PKIB: variants seen among roughly 807,000 people sequenced by gnomAD.
PKIB encodes PKI-beta.
A neutral mutation model predicts 4.5 loss-of-function variants in PKIB; 2 were observed. The ratio of observed to expected loss-of-function variants is 0.44; its 90% CI spans 0.18 to 1.39. PKIB has a LOEUF of 1.39. Ranked by LOEUF, PKIB falls within the 40% of genes most tolerant of loss-of-function variation. The pLI is 0.27. For missense variants in PKIB, 94 were observed against 92.6 expected (o/e 1.02, Z -0.06); for synonymous variants, 38 against 36.0 (o/e 1.06, Z -0.20).
Position 122,717,799 on chromosome 6 carries a change from G to C in PKIB, c.5G>C (p.Arg2Thr). 6.2e-7 allele frequency: 1 copy of C among 1,613,960 alleles called. No individual in the cohort carries two copies. The highest frequency in any genetic ancestry group is 8.5e-7 in the Non-Finnish European group (1 of 1,179,954). Residue 2 changes from arginine (R) to threonine (T), a missense_variant, in exon 4 of 5, where the codon AGG becomes ACG. Transcript: ENST00000368452. M[R>T]TDSSKMTDVE... ...ATTCTATTTGTAGATGTTGCTATGA[G>C]GACAGATTCATCAAAAATGACTGAC... is the stretch of plus-strand genomic sequence containing the variant.
At chr6:122,705,547 A>AT in intron 3 of PKIB, among the ~76,000 whole-genome samples, 1 of 137,604 alleles carries the variant, frequency 7.3e-6, no homozygotes, top group African/African-American at 2.7e-5. Flanking sequence ...ATCTGTCTCT[A>AT]TTTTCAGAAA....
intron 2 of PKIB, among the ~76,000 whole-genome samples, chr6:122,665,406 A>C (rs1777178501): frequency 6.6e-6 from 1 of 152,236 alleles, no homozygotes; most frequent in Non-Finnish European, 1.5e-5. Context: ...AACAATCTGC[A>C]TCTTATTTAG....
At chr6:122,541,606 G>T (rs1427544704) in intron 2 of PKIB, among the ~76,000 whole-genome samples, 7 of 151,852 alleles carry the variant, frequency 4.6e-5, no homozygotes, top group Admixed American at 2.0e-4. Context: ...CTCTCTGGCT[G>T]CCCTTAACAT....
At chr6:122,687,823 CTGAGTTTATCAGTTCTAATACTTTT>C (rs1322971767) in intron 3 of PKIB, among the ~76,000 whole-genome samples, 1 of 152,060 alleles carries the variant, frequency 6.6e-6, no homozygotes, top group Non-Finnish European at 1.5e-5. Flanking sequence ...TGATATTCTA[CTGAGTTTATCAGTTCTAATACTTTT>C]TGGTGGAGTC....
chr6:122,550,931 T>C (rs1285488859), intron 2 of PKIB, among the ~76,000 whole-genome samples: 1 of 152,214 alleles, frequency 6.6e-6, no homozygotes. Context: ...ATTTCGATGA[T>C]GGAAAAATTT....
chr6:122,549,891 T>TAC (rs757275679), intron 2 of PKIB, among the ~76,000 whole-genome samples: 1,891 of 144,148 alleles, frequency 0.013, 17 homozygotes, highest in Middle Eastern at 0.018. Context: ...ATTTTATATA[T>TAC]ACACACACAC....
At chr6:122,584,493 GACTA>G (rs1773795821) in intron 2 of PKIB, among the ~76,000 whole-genome samples, 2 of 152,030 alleles carry the variant, frequency 1.3e-5, no homozygotes, top group African/African-American at 2.4e-5. Context: ...GTAATATACT[GACTA>G]ACTACCTAGT....
At chr6:122,654,911 T>G (rs1430549064) in intron 2 of PKIB, among the ~76,000 whole-genome samples, 1 of 152,190 alleles carries the variant, frequency 6.6e-6, no homozygotes, top group African/African-American at 2.4e-5. Context: ...ATTAGAAACT[T>G]AAATTACTTT....
intron 2 of PKIB, among the ~76,000 whole-genome samples, chr6:122,492,038 C>G (rs1775946876): frequency 2.0e-5 from 3 of 152,104 alleles, no homozygotes; most frequent in Admixed American, 6.5e-5. Flanking sequence ...TTCAAAAACA[C>G]TTGGAGGTTT....
intron 2 of PKIB, among the ~76,000 whole-genome samples, chr6:122,582,591 G>A (rs1055562993): frequency 6.6e-6 from 1 of 152,236 alleles, no homozygotes; most frequent in South Asian, 2.1e-4. Context: ...GGAGGGGCTA[G>A]ACATATAGAT....
chr6:122,653,662 G>C (rs1166779678), intron 2 of PKIB, among the ~76,000 whole-genome samples: 2 of 151,398 alleles, frequency 1.3e-5, no homozygotes, highest in East Asian at 3.9e-4. Context: ...AAAAAAATTG[G>C]AGTTAAGGGG....
rs556058095 is a variant in PKIB at position 122,542,993 on chromosome 6, C to T, written c.-247-42928C>T. 6.0e-4 allele frequency among the ~76,000 whole-genome samples: 91 copies of T among 151,998 alleles called. No individual in the cohort carries two copies. In the South Asian group the frequency reaches 1.0e-2, roughly 17 times the overall value. ...TGCTGTGCTAGCAATCAGCGAGACT[C>T]CATGGGCATACGACCCTCTGAGCCA... On this transcript the variant is annotated intron_variant, in intron 2 of 6. Transcript: ENST00000392491.
chr6:122,640,538 T>C (rs1776082716), intron 2 of PKIB, among the ~76,000 whole-genome samples: 1 of 152,222 alleles, frequency 6.6e-6, no homozygotes, highest in Non-Finnish European at 1.5e-5. Flanking sequence ...GAGAGCCTGC[T>C]CATGCAAGTT....
At chr6:122,522,667 T>G (rs1776981250) in intron 2 of PKIB, among the ~76,000 whole-genome samples, 1 of 151,714 alleles carries the variant, frequency 6.6e-6, no homozygotes, top group East Asian at 1.9e-4. Context: ...GTGGAGGGAG[T>G]TTCCCCAACC....
intron 3 of PKIB, among the ~76,000 whole-genome samples, chr6:122,680,435 C>T (rs1265513053): frequency 3.3e-5 from 5 of 152,092 alleles, no homozygotes; most frequent in African/African-American, 4.8e-5. Flanking sequence ...TTCTTCAGAC[C>T]TATGGTTGAA....
At chr6:122,524,321 T>TTCCTCCTCCTCCTTCTTCTTCTTCCTCC (rs1777035615) in intron 2 of PKIB, among the ~76,000 whole-genome samples, 1 of 148,178 alleles carries the variant, frequency 6.7e-6, no homozygotes. Flanking sequence ...TCTTTTCCTC[T>TTCCTCCTCCTCCTTCTTCTTCTTCCTCC]TCCTCCTCCT....
chr6:122,606,371 A>G (rs1162585942), upstream of PKIB, among the ~76,000 whole-genome samples: 1 of 152,070 alleles, frequency 6.6e-6, no homozygotes, highest in Non-Finnish European at 1.5e-5. Context: ...TCAGGAGTCC[A>G]AGACGAGCCT....
chr6:122,535,795 A>T (rs1777389059), intron 2 of PKIB, among the ~76,000 whole-genome samples: 1 of 152,224 alleles, frequency 6.6e-6, no homozygotes, highest in South Asian at 2.1e-4. Flanking sequence ...TCTTCAAAAT[A>T]AGAATCATGA....
chr6:122,695,477 GA>G (rs1778536695), intron 3 of PKIB, among the ~76,000 whole-genome samples: 1 of 152,088 alleles, frequency 6.6e-6, no homozygotes, highest in African/African-American at 2.4e-5. Flanking sequence ...TGATCTTTAA[GA>G]TTCAAAAATG....
Sources: gnomAD v4.1 joint callset for allele counts (sites outside exome capture counted in the v4.1 genomes callset) on GRCh38, gnomAD v4.1.1 for gene constraint, MANE v1.5 for transcripts, NCBI Gene and HGNC (gene_info 2026-07-23, HGNC 2026-07-21) for gene names.